Variants in PPP2R2B observed in about 807,000 individuals in gnomAD.
PPP2R2B encodes the protein serine/threonine-protein phosphatase 2A 55 kDa regulatory subunit B beta isoform.
In PPP2R2B, 5 loss-of-function variants were observed where a neutral mutation model predicts 46.0. That is an observed-to-expected ratio of 0.11 (90% CI 0.06 to 0.23). PPP2R2B has a LOEUF of 0.23. PPP2R2B is among the 10% of genes least tolerant of loss of function. The pLI is 1.00. For synonymous variants in PPP2R2B, 215 were observed against 206.7 expected (o/e 1.04, Z -0.34); for missense variants, 367 against 575.0 (o/e 0.64, Z 3.70).
At chr5:146,796,536 C>A (rs1756548569) in intron 2 of PPP2R2B, among the ~76,000 whole-genome samples, 1 of 152,120 alleles carries the variant, frequency 6.6e-6, no homozygotes, top group African/African-American at 2.4e-5. Flanking sequence ...AAAGGTAAGG[C>A]AAATAAGGCA....
At chr5:146,925,921 T>G (rs1763767559) in intron 1 of PPP2R2B, among the ~76,000 whole-genome samples, 1 of 152,180 alleles carries the variant, frequency 6.6e-6, no homozygotes, top group East Asian at 1.9e-4. Flanking sequence ...TGTTGAACTC[T>G]CTAGTGAAAA....
intron 2 of PPP2R2B, among the ~76,000 whole-genome samples, chr5:146,746,733 T>C (rs1753214948): frequency 6.6e-6 from 1 of 152,244 alleles, no homozygotes; most frequent in Non-Finnish European, 1.5e-5. Context: ...CTGCTTGAAC[T>C]GATAATTAGT....
chr5:146,775,420 G>A (rs984824442), intron 2 of PPP2R2B, among the ~76,000 whole-genome samples: 4 of 152,060 alleles, frequency 2.6e-5, no homozygotes, highest in South Asian at 2.1e-4. Context: ...CAAAGAAAAA[G>A]CATTTGACAA....
chr5:146,841,395 A>G (rs912668902), intron 2 of PPP2R2B, among the ~76,000 whole-genome samples: 3 of 152,106 alleles, frequency 2.0e-5, no homozygotes, highest in African/African-American at 7.2e-5. Flanking sequence ...CATACACACA[A>G]AAGAAAGCAA....
chr5:146,890,738 G>T (rs1257566246), intron 1 of PPP2R2B, among the ~76,000 whole-genome samples: 4 of 152,104 alleles, frequency 2.6e-5, no homozygotes, highest in Non-Finnish European at 4.4e-5. Flanking sequence ...TTTGGTATCT[G>T]ACAGCCCTAC....
In PPP2R2B at chr5:147,023,102, T is replaced by C. The variant is rs150919922; in HGVS notation, c.79+32563A>G. 4.1e-3 allele frequency among the ~76,000 whole-genome samples: 621 copies of C among 152,308 alleles called. 1 individual carries two copies. The highest frequency in any genetic ancestry group is 0.014 in the African/African-American group (591 of 41,582). On this transcript the variant is annotated intron_variant, in intron 1 of 8. Coordinates refer to the PPP2R2B transcript ENST00000336640. ...AATTGTATTATGCCATATGTACATA[T>C]ATTATATTTAGACACATATGTATAC...
At chr5:146,600,157 G>A (rs1771635687) in intron 8 of PPP2R2B, 134 bp downstream of exon 8, 2 of 929,398 alleles carry the variant, frequency 2.2e-6, no homozygotes, top group African/African-American at 1.7e-5. Flanking sequence ...CTTATAGCCT[G>A]TACCATTTTA....
At chr5:146,926,140 G>C (rs1763775264) in intron 1 of PPP2R2B, among the ~76,000 whole-genome samples, 1 of 151,950 alleles carries the variant, frequency 6.6e-6, no homozygotes, top group Non-Finnish European at 1.5e-5. Context: ...TGGTAACACA[G>C]AGTTTCTATT....
intron 2 of PPP2R2B, among the ~76,000 whole-genome samples, chr5:146,841,700 G>C (rs528811192): frequency 6.6e-6 from 1 of 152,060 alleles, no homozygotes; most frequent in South Asian, 2.1e-4. Flanking sequence ...ACCAAACACC[G>C]CATGTTCTCA....
intron 1 of PPP2R2B, among the ~76,000 whole-genome samples, chr5:147,051,585 C>T (rs931875804): frequency 2.0e-5 from 3 of 152,048 alleles, no homozygotes; most frequent in East Asian, 1.9e-4. Context: ...GGAAGAAGCA[C>T]GTGGCAAGTC....
chr5:146,738,265 G>A (rs1429835062), intron 2 of PPP2R2B, among the ~76,000 whole-genome samples: 2 of 151,076 alleles, frequency 1.3e-5, no homozygotes, highest in Non-Finnish European at 3.0e-5. Flanking sequence ...GCGTGATGGC[G>A]GGTGCCTGTA....
At chr5:146,796,804 T>A (rs1301715094) in intron 2 of PPP2R2B, among the ~76,000 whole-genome samples, 7 of 152,184 alleles carry the variant, frequency 4.6e-5, no homozygotes, top group African/African-American at 1.7e-4. Context: ...AGCACATGTT[T>A]TTTCTTAGTT....
intron 2 of PPP2R2B, among the ~76,000 whole-genome samples, chr5:146,802,271 T>C (rs547747496): frequency 1.3e-5 from 2 of 152,334 alleles, no homozygotes; most frequent in Non-Finnish European, 2.9e-5. Flanking sequence ...CCATTGGAAA[T>C]GTCTAGGTCA....
At chr5:146,739,312 A>C (rs933063094) in intron 2 of PPP2R2B, among the ~76,000 whole-genome samples, 1 of 152,222 alleles carries the variant, frequency 6.6e-6, no homozygotes, top group Non-Finnish European at 1.5e-5. Context: ...GAGCCACTGT[A>C]CTTGGGAAGA....
At chr5:146,933,172 A>AG (rs1764022456) in intron 1 of PPP2R2B, among the ~76,000 whole-genome samples, 1 of 152,208 alleles carries the variant, frequency 6.6e-6, no homozygotes, top group African/African-American at 2.4e-5. Flanking sequence ...TTCAAGTAAC[A>AG]GGGATTGGAA....
chr5:146,600,607 G>A, intron 7 of PPP2R2B, 147 bp from the exon 8 acceptor site: 1 of 760,434 alleles, frequency 1.3e-6, no homozygotes, highest in South Asian at 1.9e-5. Context: ...ATAGAGAACT[G>A]TCATCTCTCT....
intron 1 of PPP2R2B, among the ~76,000 whole-genome samples, chr5:147,053,086 C>A (rs1756907864): frequency 6.6e-6 from 1 of 151,506 alleles, no homozygotes; most frequent in Non-Finnish European, 1.5e-5. Flanking sequence ...TTGCAACTAT[C>A]CTGTGGAGTA....
At chr5:146,803,406 A>G (rs1756982695) in intron 2 of PPP2R2B, among the ~76,000 whole-genome samples, 1 of 152,224 alleles carries the variant, frequency 6.6e-6, no homozygotes, top group Non-Finnish European at 1.5e-5. Flanking sequence ...AAAGGTCATT[A>G]ATATTTTAAC....
intron 6 of PPP2R2B, among the ~76,000 whole-genome samples, chr5:146,639,174 A>G (rs919614906): frequency 4.6e-5 from 7 of 152,164 alleles, no homozygotes; most frequent in African/African-American, 1.7e-4. Context: ...TAATTATGCA[A>G]AATTTCTCTC....
Sources: gnomAD v4.1 joint callset for allele counts (sites outside exome capture counted in the v4.1 genomes callset) on GRCh38, gnomAD v4.1.1 for gene constraint, MANE v1.5 for transcripts, NCBI Gene and HGNC (gene_info 2026-07-23, HGNC 2026-07-21) for gene names.